Variants in PPP2R2D observed in about 807,000 individuals in gnomAD.
PPP2R2D encodes the protein serine/threonine-protein phosphatase 2A 55 kDa regulatory subunit B delta isoform.
In PPP2R2D, 9 loss-of-function variants were observed where a neutral mutation model predicts 31.1. The observed-to-expected ratio is 0.29, with a 90% CI of 0.17 to 0.51. The LOEUF is 0.51. PPP2R2D is among the 20% of genes least tolerant of loss of function. The probability of loss-of-function intolerance (pLI) is 0.98; values close to 1 mark genes in which losing one functional copy is unlikely to be tolerated. For missense variants in PPP2R2D, 391 were observed against 465.6 expected (o/e 0.84, Z 1.48); for synonymous variants, 179 against 172.6 (o/e 1.04, Z -0.29).
chr10:131,901,890 G>T (rs1349581587), intron 2 of PPP2R2D, among the ~76,000 whole-genome samples: 1 of 152,206 alleles, frequency 6.6e-6, no homozygotes, highest in African/African-American at 2.4e-5. Context: ...TAAAATCCTT[G>T]AATTTTACTG....
In PPP2R2D at chr10:131,919,134, C is replaced by G. The variant is rs1246952862; in HGVS notation, c.101-15324C>G. ...GGAATGACAGTGTAGGGACCTCAGG[C>G]GGGTGGAATGACACAGTGTAGGGAT... On this transcript the variant is annotated intron_variant, in intron 2 of 8. Coordinates refer to ENST00000455566, the MANE Select transcript of PPP2R2D (RefSeq NM_018461.5). Among the ~76,000 whole-genome samples the G allele has an allele frequency of 1.6e-5, 2 of 124,022 alleles. 1 individual carries two copies. Among genetic ancestry groups the G allele is most frequent in the East Asian group, 6.0e-4 (2 of 3,336 alleles). 81.4% of individuals were successfully genotyped at this position (124,022 alleles called of 152,430 possible). A position where few individuals can be genotyped will look rare whatever the true frequency, so the allele number is the denominator to read the frequency against.
intron 2 of PPP2R2D, chr10:131,911,565 G>T (rs976629745): frequency 2.0e-5 from 3 of 152,264 alleles, no homozygotes; most frequent in Admixed American, 1.3e-4. Flanking sequence ...TGTGCAGGGC[G>T]TGGAGAGGAG....
At chr10:131,954,413 T>TG (rs1285048050) in intron 8 of PPP2R2D, among the ~76,000 whole-genome samples, 13 of 152,206 alleles carry the variant, frequency 8.5e-5, no homozygotes, top group Admixed American at 7.9e-4. Context: ...GTGTTTTATG[T>TG]GGAAACTAAT....
At chr10:131,950,841 T>C (rs2036623808) in intron 8 of PPP2R2D, among the ~76,000 whole-genome samples, 1 of 152,130 alleles carries the variant, frequency 6.6e-6, no homozygotes, top group Non-Finnish European at 1.5e-5. Flanking sequence ...CTAAGACATC[T>C]TTGTGAGCTC....
chr10:131,938,720 G>A lies in PPP2R2D; in HGVS notation c.199-1311G>A, dbSNP rs1314628608. Among the ~76,000 whole-genome samples, 5 of 152,342 alleles carry A rather than the reference G, an allele frequency of 3.3e-5. No individual in the cohort carries two copies. In the East Asian group the frequency reaches 7.7e-4, roughly 23 times the overall value. On this transcript the variant is annotated intron_variant, in intron 3 of 8. Transcript: ENST00000455566. ...CTGCTTCACTTGTGCAGCACTGTGCGGTTGTCTGTGCTGGCTCATTTATCT... is the reference window on the plus strand; with the variant it reads ...CTGCTTCACTTGTGCAGCACTGTGCAGTTGTCTGTGCTGGCTCATTTATCT...
At chr10:131,925,446 T>C (rs2036087622) in intron 2 of PPP2R2D, among the ~76,000 whole-genome samples, 1 of 152,248 alleles carries the variant, frequency 6.6e-6, no homozygotes. Flanking sequence ...GTGTATTACA[T>C]TGATTTGTTT....
chr10:131,963,714 CTTTTT>C (rs1428573729), downstream of PPP2R2D, among the ~76,000 whole-genome samples: 1 of 151,974 alleles, frequency 6.6e-6, no homozygotes, highest in African/African-American at 2.4e-5. Flanking sequence ...AGGGACCACA[CTTTTT>C]TTTTCTTTTT....
At chr10:131,926,887 A>G (rs973366200) in intron 2 of PPP2R2D, among the ~76,000 whole-genome samples, 7 of 152,208 alleles carry the variant, frequency 4.6e-5, no homozygotes, top group Non-Finnish European at 1.0e-4. Context: ...GTAGGAAACG[A>G]ACTCGTTGCC....
chr10:131,920,632 A>G (rs777847950), intron 2 of PPP2R2D, among the ~76,000 whole-genome samples: 11 of 152,160 alleles, frequency 7.2e-5, no homozygotes, highest in Non-Finnish European at 1.5e-4. Context: ...ACTTTTGTTT[A>G]TTTAAAAAAT....
chr10:131,937,182 G>C (rs555804064), intron 3 of PPP2R2D, among the ~76,000 whole-genome samples: 1 of 152,240 alleles, frequency 6.6e-6, no homozygotes, highest in South Asian at 2.1e-4. Flanking sequence ...CAGGTCCATA[G>C]AGGCCCGTTG....
chr10:131,969,415 C>CA, the PPP2R2D span: 2 of 152,236 alleles, frequency 1.3e-5, no homozygotes, highest in Admixed American at 6.5e-5. Flanking sequence ...CTCCAGAAAG[C>CA]AAACTGCCTG....
chr10:131,948,891 G>T (rs1445241407), intron 8 of PPP2R2D, among the ~76,000 whole-genome samples: 1 of 152,214 alleles, frequency 6.6e-6, no homozygotes, highest in African/African-American at 2.4e-5. Flanking sequence ...GGTCCAAAGG[G>T]CAGTTTGTCT....
At chr10:131,917,850 G>C (rs2035848775) in intron 2 of PPP2R2D, among the ~76,000 whole-genome samples, 1 of 127,080 alleles carries the variant, frequency 7.9e-6, no homozygotes, top group African/African-American at 3.1e-5. Context: ...CACAGTGTTT[G>C]TAGGGACCTC....
downstream of PPP2R2D, among the ~76,000 whole-genome samples, chr10:131,961,331 T>C (rs968092848): frequency 3.3e-5 from 5 of 151,994 alleles, no homozygotes; most frequent in African/African-American, 9.7e-5. Context: ...GTAGACCAGA[T>C]GTGAGTAAAG....
Position 131,959,503 on chromosome 10 carries a change from C to T in PPP2R2D, c.*3540C>T, listed in dbSNP as rs2036892573. The T allele has an allele frequency of 6.2e-6, 1 of 160,102 alleles. No individual in the cohort carries two copies. The highest frequency in any genetic ancestry group is 2.4e-5 in the African/African-American group (1 of 41,130). 9.9% of individuals were successfully genotyped at this position (160,102 alleles called of 1,614,324 possible). ...ATGAAGGTGTGTGTTGATCCCCCAT[C>T]CCCCTGTGGAGGTGAAGGTGTGTGC... On this transcript the variant is annotated 3_prime_UTR_variant, in exon 9 of 9. Transcript: ENST00000455566.
chr10:131,929,344 C>A (rs574976703), intron 2 of PPP2R2D, among the ~76,000 whole-genome samples: 1 of 152,316 alleles, frequency 6.6e-6, no homozygotes, highest in East Asian at 1.9e-4. Context: ...GTGTTTCGTT[C>A]ACTAAAGCGT....
chr10:131,912,896 G>T (rs2119748969), intron 2 of PPP2R2D, among the ~76,000 whole-genome samples: 1 of 152,332 alleles, frequency 6.6e-6, no homozygotes, highest in Admixed American at 6.5e-5. Flanking sequence ...ACATCCAGGA[G>T]TGGGTACACG....
At chr10:131,971,150 C>T in the PPP2R2D span, 30 of 614,238 alleles carry the variant, frequency 4.9e-5, no homozygotes, top group African/African-American at 1.5e-4. Context: ...CGGGCCGCGC[C>T]GCACTCCCGG....
At chr10:131,942,536 T>TA (rs1452673976) in intron 5 of PPP2R2D, among the ~76,000 whole-genome samples, 1 of 152,158 alleles carries the variant, frequency 6.6e-6, no homozygotes, top group African/African-American at 2.4e-5. Context: ...TTTTTGCTCT[T>TA]AAATTATTTT....
Sources: allele counts gnomAD v4.1 joint callset (sites outside exome capture counted in the v4.1 genomes callset), GRCh38; gene constraint gnomAD v4.1.1; transcripts MANE v1.5; gene names NCBI Gene and HGNC (gene_info 2026-07-23, HGNC 2026-07-21).